SLC11A2: variants seen among roughly 807,000 people sequenced by gnomAD.
SLC11A2 encodes solute carrier family 11 member 2.
Under a neutral mutation model 68.0 loss-of-function variants are expected in SLC11A2, and 38 were observed. The ratio of observed to expected loss-of-function variants is 0.56; its 90% CI spans 0.43 to 0.73. SLC11A2 has a LOEUF of 0.73. SLC11A2 is among the 30% of genes least tolerant of loss of function. The pLI is 0.00. For synonymous variants in SLC11A2, 242 were observed against 250.6 expected, an observed-to-expected ratio of 0.97 and a Z score of 0.32; for missense variants, 517 against 690.5, an observed-to-expected ratio of 0.75 and a Z score of 2.82.
the SLC11A2 span, chr12:50,954,050 C>T: frequency 5.4e-5 from 87 of 1,613,276 alleles, no homozygotes; most frequent in East Asian, 1.2e-3. Context: ...CCAATTATCC[C>T]GACTAATCAG....
rs1373097398 is a variant in SLC11A2, at chr12:50,988,061, A to G, written c.*264T>C. 1 of 1,410,502 alleles carries G rather than the reference A, an allele frequency of 7.1e-7. No individual in the cohort carries two copies. The highest frequency in any genetic ancestry group is 3.4e-5 in the East Asian group (1 of 29,080). 87.4% of individuals were successfully genotyped at this position (1,410,502 alleles called of 1,614,324 possible). A position where few individuals can be genotyped will look rare whatever the true frequency, so the allele number is the denominator to read the frequency against. ...GATAAACTGAGCTGGCCCTTGGGCA[A>G]CTACTTAAGAATTTAGTGTTGGAAT... On this transcript the variant is annotated 3_prime_UTR_variant, in exon 16 of 16. Transcript: ENST00000262052.
the SLC11A2 span, among the ~76,000 whole-genome samples, chr12:50,958,837 C>T: frequency 6.6e-6 from 1 of 151,188 alleles, no homozygotes; most frequent in African/African-American, 2.4e-5. Context: ...GCCAACATAG[C>T]GAGACATCAT....
chr12:51,005,798 C>A lies in SLC11A2; in HGVS notation c.184-362G>T. 1.9e-5 allele frequency: 14 copies of A among 743,632 alleles called. No homozygotes were observed. The South Asian group carries it at 2.0e-4, about 10-fold the overall frequency. 46.1% of individuals were successfully genotyped at this position (743,632 alleles called of 1,614,324 possible). A position where few individuals can be genotyped will look rare whatever the true frequency, so the allele number is the denominator to read the frequency against. The stretch of plus-strand genomic sequence containing the variant: ...GTGCTGTGTGGTGTGTGCCTATAGT[C>A]CAACTACTTGGGACACTGAGGAGAG... On this transcript the variant is annotated intron_variant, in intron 3 of 15. Transcript: ENST00000262052.
At position 50,991,637 on chromosome 12, in the gene SLC11A2, C is replaced by G. The variant is rs367647083; in HGVS notation, c.1383G>C (p.Thr461=). 9 of 1,613,606 alleles carry G rather than the reference C, an allele frequency of 5.6e-6. No homozygotes were observed. Among genetic ancestry groups the G allele is most frequent in the East Asian group, 2.2e-5 (1 of 44,884 alleles). ...AGTCACTCATTACTGGCCGCAAGCT[C>G]GTAAATGTGAGGATGGGTATGAGAG... ...PFALIPILTF[T]SLRPVMSDFA... Residue 461 remains threonine (T), a synonymous_variant, in exon 14 of 16, where the codon ACG becomes ACC. Coordinates refer to ENST00000262052, the MANE Select transcript of SLC11A2 (RefSeq NM_000617.3).
In SLC11A2 at chr12:50,992,792, T is replaced by A. The variant is rs1941304574; in HGVS notation, c.1197+18A>T. 2.5e-6 allele frequency: 4 copies of A among 1,599,734 alleles called. No individual in the cohort carries two copies. The East Asian group carries it at 9.0e-5, about 36-fold the overall frequency. Reference sequence around the variant, plus strand: ...AAAAGGGTTGTGTTATCTCCCTCTATCCTATACCAGCACGTACCTCCATGA... The same window carrying A: ...AAAAGGGTTGTGTTATCTCCCTCTAACCTATACCAGCACGTACCTCCATGA... On this transcript the variant is annotated intron_variant, in intron 12 of 15. Coordinates refer to ENST00000262052, the MANE Select transcript of SLC11A2 (RefSeq NM_000617.3).
downstream of SLC11A2, among the ~76,000 whole-genome samples, chr12:50,984,354 C>T (rs924650888): frequency 1.4e-4 from 22 of 152,292 alleles, no homozygotes; most frequent in Admixed American, 4.6e-4. Flanking sequence ...GGAAACAGCT[C>T]TTCAGACATC....
chr12:50,963,393 A>G, the SLC11A2 span, among the ~76,000 whole-genome samples: 8 of 144,690 alleles, frequency 5.5e-5, no homozygotes, highest in African/African-American at 1.8e-4. Context: ...AAAAAAAAAA[A>G]GAAAAGAAAA....
chr12:51,021,009 T>A (rs1944004319), intron 1 of SLC11A2, among the ~76,000 whole-genome samples: 1 of 152,126 alleles, frequency 6.6e-6, no homozygotes, highest in Non-Finnish European at 1.5e-5. Flanking sequence ...GAGGATCCCT[T>A]GAGCCCAGGA....
intron 1 of SLC11A2, among the ~76,000 whole-genome samples, chr12:51,021,155 G>A (rs1458661105): frequency 3.3e-5 from 5 of 152,134 alleles, no homozygotes; most frequent in African/African-American, 7.2e-5. Flanking sequence ...TACATGGGAC[G>A]ATGTACATAA....
chr12:51,003,462 C>G (rs1274532790), intron 5 of SLC11A2, among the ~76,000 whole-genome samples: 1 of 151,424 alleles, frequency 6.6e-6, no homozygotes, highest in Non-Finnish European at 1.5e-5. Flanking sequence ...CTGGAATCGC[C>G]TCACTGCAAG....
chr12:50,962,137 C>T, the SLC11A2 span, among the ~76,000 whole-genome samples: 4 of 152,244 alleles, frequency 2.6e-5, no homozygotes, highest in East Asian at 1.9e-4. Context: ...TGTGATCCCA[C>T]CACTTTGGGA....
chr12:51,018,960 T>C (rs1045877798), intron 1 of SLC11A2, among the ~76,000 whole-genome samples: 4 of 152,174 alleles, frequency 2.6e-5, no homozygotes, highest in East Asian at 1.9e-4. Flanking sequence ...TCCTTTTTTT[T>C]CATCACCTTC....
downstream of SLC11A2, among the ~76,000 whole-genome samples, chr12:50,976,360 T>C (rs1173376715): frequency 1.3e-5 from 2 of 152,180 alleles, no homozygotes; most frequent in Non-Finnish European, 2.9e-5. Flanking sequence ...ATAAATGTAA[T>C]CCAGCATATA....
At chr12:51,025,404 C>G (rs762159027) in intron 1 of SLC11A2, among the ~76,000 whole-genome samples, 7 of 152,184 alleles carry the variant, frequency 4.6e-5, no homozygotes, top group African/African-American at 2.4e-5. Flanking sequence ...AAGAAAGAGG[C>G]AAACAACATG....
intron 8 of SLC11A2, among the ~76,000 whole-genome samples, chr12:50,998,262 G>A (rs1378697773): frequency 3.3e-5 from 5 of 152,076 alleles, no homozygotes; most frequent in Non-Finnish European, 5.9e-5. Context: ...GGGAGGCTGA[G>A]GCACAAGAAC....
chr12:50,991,520 C>G (rs1481964737), intron 14 of SLC11A2, 79 bp downstream of exon 14: 20 of 1,093,876 alleles, frequency 1.8e-5, no homozygotes, highest in Non-Finnish European at 2.7e-5. Flanking sequence ...CTGTGTCTCA[C>G]GTCTGACTGG....
rs1255641129 is a variant in SLC11A2, at chr12:51,008,526, C to G, written c.133G>C (p.Glu45Gln). 6.2e-7 allele frequency: 1 copy of G among 1,613,020 alleles called. No individual in the cohort carries two copies. Among genetic ancestry groups the G allele is most frequent in the African/African-American group, 1.3e-5 (1 of 74,856 alleles). The change falls in exon 3 of 16, where the codon GAG (glutamate) becomes CAG (glutamine). Residue 45 changes from glutamate (E) to glutamine (Q), a missense_variant. Transcript: ENST00000262052. ...SLSQSPGDSEEYFATYFNEKI... is the reference protein window; with the variant it reads ...SLSQSPGDSEQYFATYFNEKI... ...TCATTAAAGTAAGTGGCGAAGTACT[C>G]CTCTGAGTCCCCAGGGGACTGTGAA... is the stretch of plus-strand genomic sequence containing the variant.
At chr12:50,954,589 G>C in the SLC11A2 span, among the ~76,000 whole-genome samples, 2 of 151,412 alleles carry the variant, frequency 1.3e-5, no homozygotes, top group African/African-American at 2.4e-5. Context: ...GGCCGGGCAC[G>C]GTGGCTCATG....
chr12:51,000,637 T>C (rs2136244442), intron 5 of SLC11A2: 1 of 601,406 alleles, frequency 1.7e-6, no homozygotes, highest in African/African-American at 1.9e-5. Flanking sequence ...GCAGAACCTG[T>C]GAACGAAGGT....
Sources: gnomAD v4.1 joint callset for allele counts (sites outside exome capture counted in the v4.1 genomes callset) on GRCh38, gnomAD v4.1.1 for gene constraint, MANE v1.5 for transcripts, NCBI Gene and HGNC (gene_info 2026-07-23, HGNC 2026-07-21) for gene names.